The following PRKAR2A variants were observed in gnomAD, a reference collection of about 807,000 sequenced individuals.
The protein encoded by PRKAR2A is cAMP-dependent protein kinase type II-alpha regulatory subunit.
In PRKAR2A, 29 loss-of-function variants were observed where a neutral mutation model predicts 51.9. The ratio of observed to expected loss-of-function variants is 0.56; its 90% confidence interval spans 0.42 to 0.76. The LOEUF (loss-of-function observed/expected upper bound fraction) is 0.76. PRKAR2A is among the 30% of genes least tolerant of loss of function. PRKAR2A has a pLI of 0.00. For synonymous variants in PRKAR2A, 178 were observed against 186.2 expected (o/e 0.96, Z 0.36); for missense variants, 445 against 512.1 (o/e 0.87, Z 1.26).
intron 1 of PRKAR2A, among the ~76,000 whole-genome samples, chr3:48,829,593 T>C (rs200402215): frequency 9.3e-5 from 5 of 53,788 alleles, no homozygotes; most frequent in South Asian, 1.1e-3. Flanking sequence ...TGTGTATATA[T>C]ACACACACAT....
At chr3:48,835,467 C>T (rs2083267462) in intron 1 of PRKAR2A, among the ~76,000 whole-genome samples, 1 of 151,790 alleles carries the variant, frequency 6.6e-6, no homozygotes, top group South Asian at 2.1e-4. Context: ...CGGTGAAACC[C>T]CATCTATACT....
chr3:48,802,003 G>A (rs1575901623), intron 2 of PRKAR2A, among the ~76,000 whole-genome samples: 1 of 152,042 alleles, frequency 6.6e-6, no homozygotes, highest in Non-Finnish European at 1.5e-5. Context: ...TCTGCCTCCC[G>A]GGTTGAAGCG....
At chr3:48,800,593 C>G (rs1435848445) in intron 2 of PRKAR2A, among the ~76,000 whole-genome samples, 1 of 151,864 alleles carries the variant, frequency 6.6e-6, no homozygotes, top group African/African-American at 2.4e-5. Context: ...TTAAGGAATT[C>G]ATGAACTCTT....
chr3:48,816,396 T>C (rs1041622080), intron 1 of PRKAR2A, among the ~76,000 whole-genome samples: 1 of 152,152 alleles, frequency 6.6e-6, no homozygotes, highest in Non-Finnish European at 1.5e-5. Context: ...TAAAATTTAC[T>C]AACTGGGGCC....
At chr3:48,825,028 C>CTTTTTTTTTTT (rs1168503342) in intron 1 of PRKAR2A, among the ~76,000 whole-genome samples, 4 of 74,688 alleles carry the variant, frequency 5.4e-5, no homozygotes, top group African/African-American at 1.0e-4. Context: ...ATTTTCTTTT[C>CTTTTTTTTTTT]TTTTTTTTTT....
chr3:48,773,125 G>T lies in PRKAR2A; in HGVS notation c.543-17C>A. ...TAAGTTCCCCTAGAAGAATGACAAA[G>T]AATAATTTAATTAGTTACTTCTGAT... On this transcript the variant is annotated splice_polypyrimidine_tract_variant and intron_variant, in intron 5 of 10. Transcript: ENST00000265563. 2.5e-6 allele frequency: 4 copies of T among 1,578,094 alleles called. No individual in the cohort carries two copies. The highest frequency in any genetic ancestry group is 2.6e-6 in the Non-Finnish European group (3 of 1,152,448).
At chr3:48,825,591 C>T (rs1375715136) in intron 1 of PRKAR2A, among the ~76,000 whole-genome samples, 1 of 151,996 alleles carries the variant, frequency 6.6e-6, no homozygotes, top group Non-Finnish European at 1.5e-5. Context: ...TTGCAGTGAG[C>T]CAAGACTGCG....
chr3:48,815,096 T>C (rs2082852200), intron 1 of PRKAR2A, among the ~76,000 whole-genome samples: 1 of 151,966 alleles, frequency 6.6e-6, no homozygotes, highest in Admixed American at 6.6e-5. Flanking sequence ...GTATTTTCAG[T>C]AGAGACAGGG....
intron 1 of PRKAR2A, among the ~76,000 whole-genome samples, chr3:48,823,322 G>C (rs186368005): frequency 1.3e-5 from 2 of 151,966 alleles, no homozygotes; most frequent in Admixed American, 6.6e-5. Flanking sequence ...GGGGGTGTCG[G>C]GGGGGTGCTG....
At chr3:48,796,670 G>GTTTT (rs11370685) in intron 2 of PRKAR2A, among the ~76,000 whole-genome samples, 4 of 136,778 alleles carry the variant, frequency 2.9e-5, no homozygotes, top group Non-Finnish European at 4.7e-5. Flanking sequence ...TAGAGACGGG[G>GTTTT]TTTTTTTTTT....
chr3:48,800,833 C>T (rs961046037), intron 2 of PRKAR2A, among the ~76,000 whole-genome samples: 4 of 151,846 alleles, frequency 2.6e-5, no homozygotes, highest in Admixed American at 6.6e-5. Context: ...CCACCACACC[C>T]AGCTATTTTT....
chr3:48,812,125 A>G (rs1411081647), intron 1 of PRKAR2A, among the ~76,000 whole-genome samples: 1 of 152,122 alleles, frequency 6.6e-6, no homozygotes, highest in Non-Finnish European at 1.5e-5. Context: ...ATATCTCAAT[A>G]AAGCTCTGAA....
rs112400464 is a variant in PRKAR2A, at chr3:48,812,569, G to A, written c.263-4885C>T. The stretch of plus-strand genomic sequence containing the variant: ...ACAATCTTGGCTCACTGCAAGCTCC[G>A]CCTCCCAGGTTCACGCCATTCTCCT... On this transcript the variant is annotated intron_variant, in intron 1 of 10. Transcript: ENST00000265563. Among the ~76,000 whole-genome samples the A allele has an allele frequency of 6.5e-3, 960 of 148,098 alleles. 15 individuals carry two copies. The highest frequency in any genetic ancestry group is 0.023 in the African/African-American group (909 of 40,070).
chr3:48,781,155 T>G (rs990799304), intron 5 of PRKAR2A, among the ~76,000 whole-genome samples: 4 of 149,902 alleles, frequency 2.7e-5, no homozygotes, highest in African/African-American at 4.9e-5. Flanking sequence ...TTTTTTTTTT[T>G]TTGTATTTTT....
chr3:48,753,900 CTTTT>C (rs11389036), intron 9 of PRKAR2A, among the ~76,000 whole-genome samples: 13 of 136,770 alleles, frequency 9.5e-5, no homozygotes, highest in Non-Finnish European at 2.0e-4. Flanking sequence ...CTATTGTTTT[CTTTT>C]TTTTTTTTTT....
intron 2 of PRKAR2A, among the ~76,000 whole-genome samples, chr3:48,802,160 G>A (rs1158853276): frequency 6.6e-6 from 1 of 151,834 alleles, no homozygotes; most frequent in Non-Finnish European, 1.5e-5. Context: ...CCACTGTCTC[G>A]GCCTCCCAAA....
At chr3:48,829,840 C>CGTGTGT (rs1256218451) in intron 1 of PRKAR2A, among the ~76,000 whole-genome samples, 11 of 62,592 alleles carry the variant, frequency 1.8e-4, no homozygotes, top group African/African-American at 5.6e-4. Context: ...CATATATATG[C>CGTGTGT]GTGTGTGTAT....
At chr3:48,758,949 G>A (rs1183290284) in intron 8 of PRKAR2A, among the ~76,000 whole-genome samples, 1 of 152,090 alleles carries the variant, frequency 6.6e-6, no homozygotes, top group Non-Finnish European at 1.5e-5. Context: ...GAATACATGA[G>A]AAACAAAAAG....
chr3:48,826,859 A>G (rs1181515992), intron 1 of PRKAR2A, among the ~76,000 whole-genome samples: 1 of 151,976 alleles, frequency 6.6e-6, no homozygotes, highest in Non-Finnish European at 1.5e-5. Flanking sequence ...TCTCTACTCC[A>G]GGTGAATAGG....
Sources: allele counts gnomAD v4.1 joint callset (sites outside exome capture counted in the v4.1 genomes callset), GRCh38; gene constraint gnomAD v4.1.1; transcripts MANE v1.5; gene names NCBI Gene and HGNC (gene_info 2026-07-23, HGNC 2026-07-21).